The following GNL3L variants were observed in gnomAD, a reference collection of about 807,000 sequenced individuals.
GNL3L encodes the protein G protein nucleolar 3 like.
In GNL3L, 4 loss-of-function variants were observed where a neutral mutation model predicts 42.9. The ratio of observed to expected loss-of-function variants is 0.09; its 90% CI spans 0.05 to 0.21. The LOEUF is 0.21. Among genes scored for constraint, GNL3L ranks in the 10% least tolerant of loss-of-function variants. The pLI is 1.00. For synonymous variants in GNL3L, 159 were observed against 176.3 expected (o/e 0.90, Z 0.78); for missense variants, 412 against 481.7 (o/e 0.86, Z 1.36).
At chrX:54,558,020 A>G (rs1925149068) in intron 14 of GNL3L, among the ~76,000 whole-genome samples, 1 of 110,670 alleles carries the variant, frequency 9.0e-6, no homozygotes, top group Admixed American at 9.6e-5. Context: ...AGTAGCTAGG[A>G]CTACAGGCGT....
intron 16 of GNL3L, among the ~76,000 whole-genome samples, chrX:54,598,734 A>G (rs1332776041): frequency 6.2e-5 from 7 of 112,046 alleles, no homozygotes; most frequent in Non-Finnish European, 1.3e-4. Flanking sequence ...TCTAACAGAA[A>G]TAGATAGGCT....
At chrX:54,591,987 T>C (rs1320816035) in intron 16 of GNL3L, among the ~76,000 whole-genome samples, 2 of 112,120 alleles carry the variant, frequency 1.8e-5, no homozygotes, top group Non-Finnish European at 3.8e-5. Flanking sequence ...CTCTTCAATT[T>C]CTTTTAACAG....
chrX:54,577,092 T>C (rs1351962000), intron 16 of GNL3L, among the ~76,000 whole-genome samples: 3 of 112,074 alleles, frequency 2.7e-5, no homozygotes, highest in Non-Finnish European at 5.6e-5. Context: ...GTAAACACCG[T>C]TTTGCTTTCT....
At chrX:54,594,016 A>G (rs1029225145) in intron 16 of GNL3L, among the ~76,000 whole-genome samples, 3 of 112,034 alleles carry the variant, frequency 2.7e-5, no homozygotes, top group African/African-American at 9.7e-5. Context: ...TTTTGACCTA[A>G]CATAACATAT....
At chrX:54,534,115 A>C (rs960587423) in intron 2 of GNL3L, among the ~76,000 whole-genome samples, 1 of 91,340 alleles carries the variant, frequency 1.1e-5, no homozygotes, top group Admixed American at 1.1e-4. Context: ...TGCTGAGCTC[A>C]AACAATCCTC....
chrX:54,601,056 A>G (rs1458931678), intron 16 of GNL3L, among the ~76,000 whole-genome samples: 1 of 112,258 alleles, frequency 8.9e-6, no homozygotes, highest in Non-Finnish European at 1.9e-5. Flanking sequence ...CAACATGGAT[A>G]AACCTTGATA....
chrX:54,572,757 C>T (rs1309394126), intron 16 of GNL3L, among the ~76,000 whole-genome samples: 2 of 109,842 alleles, frequency 1.8e-5, no homozygotes, highest in Non-Finnish European at 3.8e-5. Context: ...GACGGGGTGG[C>T]TGCCGGGCGG....
rs1925387356 is a variant in GNL3L, at chrX:54,565,039, A to G, written c.*4437A>G. 9.0e-6 allele frequency among the ~76,000 whole-genome samples: 1 copy of G among 110,714 alleles called. No homozygotes were observed. Among genetic ancestry groups the G allele is most frequent in the South Asian group, 3.8e-4 (1 of 2,629 alleles). ...CATGAACCACCGTGTCCGGCCATATATTTTCGTCTTTTGAAGACTGTTATA... is the reference window on the plus strand; with the variant it reads ...CATGAACCACCGTGTCCGGCCATATGTTTTCGTCTTTTGAAGACTGTTATA... On this transcript the variant is annotated 3_prime_UTR_variant, in exon 16 of 16. Coordinates refer to ENST00000360845, the MANE Select transcript of GNL3L (RefSeq NM_001184819.2).
At position 54,563,643 on chromosome X, in the gene GNL3L, GGGCAT is replaced by G. The variant is rs1177857776; in HGVS notation, c.*3044_*3048del. 9.2e-6 allele frequency among the ~76,000 whole-genome samples: 1 copy of G among 108,949 alleles called. No homozygotes were observed. Among genetic ancestry groups the G allele is most frequent in the African/African-American group, 3.5e-5 (1 of 28,957 alleles). 94.6% of individuals were successfully genotyped at this position (108,949 alleles called of 115,157 possible). A position where few individuals can be genotyped will look rare whatever the true frequency, so the allele number is the denominator to read the frequency against. On this transcript the variant is annotated 3_prime_UTR_variant, in exon 16 of 16. Transcript: ENST00000360845. ...TACCAAAAAAATACAAAGATTAGCT[GGGCAT>G]GGTGTCTCATGCCTGTAGTCCCAGC...
chrX:54,610,007 G>A, intron 16 of GNL3L, among the ~76,000 whole-genome samples: 1 of 112,076 alleles, frequency 8.9e-6, no homozygotes, highest in Non-Finnish European at 1.9e-5. Context: ...ATTTGTTTGT[G>A]TCATCTGTGA....
the GNL3L span, among the ~76,000 whole-genome samples, chrX:54,630,706 CTTTTT>C: frequency 4.1e-3 from 124 of 30,516 alleles, 1 homozygote; most frequent in African/African-American, 0.027. Flanking sequence ...TCCTTTCTTT[CTTTTT>C]CTTTCTTTCT....
chrX:54,607,151 C>A lies in GNL3L; in HGVS notation c.*46-13694C>A, dbSNP rs779798940. Among the ~76,000 whole-genome samples, 4 of 81,776 alleles carry A rather than the reference C, an allele frequency of 4.9e-5. No individual in the cohort carries two copies. The South Asian group carries it at 2.5e-3, about 52-fold the overall frequency. 71.0% of individuals were successfully genotyped at this position (81,776 alleles called of 115,157 possible). A position where few individuals can be genotyped will look rare whatever the true frequency, so the allele number is the denominator to read the frequency against. ...TTTCTTTCTTTCTTTGTCTCTCTCT[C>A]TCTCTCTTTCTTTCTTTTTGTATAT... On this transcript the variant is annotated intron_variant, in intron 16 of 16. Coordinates refer to the GNL3L transcript ENST00000674498.
the GNL3L span, among the ~76,000 whole-genome samples, chrX:54,628,243 G>A: frequency 9.7e-6 from 1 of 102,789 alleles, no homozygotes; most frequent in Non-Finnish European, 1.9e-5. Context: ...GTGTGTGTGT[G>A]TGTGTGTGTA....
chrX:54,591,291 G>C (rs1925868526), intron 16 of GNL3L, among the ~76,000 whole-genome samples: 1 of 110,725 alleles, frequency 9.0e-6, no homozygotes, highest in Non-Finnish European at 1.9e-5. Context: ...TGGCACCTTT[G>C]TAAAAAATGA....
the GNL3L span, among the ~76,000 whole-genome samples, chrX:54,633,418 G>C: frequency 9.0e-6 from 1 of 111,471 alleles, no homozygotes; most frequent in Non-Finnish European, 1.9e-5. Flanking sequence ...AGGTCACCTG[G>C]ATAAGTATTC....
At chrX:54,607,084 T>TC (rs1926099799) in intron 16 of GNL3L, among the ~76,000 whole-genome samples, 1 of 49,175 alleles carries the variant, frequency 2.0e-5, no homozygotes, top group Non-Finnish European at 3.5e-5. Flanking sequence ...CTTTCTTTCT[T>TC]CTTTCTTTCT....
In GNL3L at chrX:54,538,268, T is replaced by C. The variant is rs559637664; in HGVS notation, c.20-772T>C. Among the ~76,000 whole-genome samples, 6 of 111,285 alleles carry C rather than the reference T, an allele frequency of 5.4e-5. No individual in the cohort carries two copies. In the South Asian group the frequency reaches 1.9e-3, roughly 35 times the overall value. On this transcript the variant is annotated intron_variant, in intron 2 of 15. Coordinates refer to ENST00000360845, the MANE Select transcript of GNL3L (RefSeq NM_001184819.2). ...TGCAGTGGGAGCCAACTGATGTGATTGTGGAGCCTGTTCTCTGTGTGGTAT... is the reference window on the plus strand; with the variant it reads ...TGCAGTGGGAGCCAACTGATGTGATCGTGGAGCCTGTTCTCTGTGTGGTAT...
downstream of GNL3L, among the ~76,000 whole-genome samples, chrX:54,571,399 G>A (rs1925541130): frequency 1.9e-5 from 2 of 107,403 alleles, no homozygotes; most frequent in South Asian, 8.1e-4. Flanking sequence ...GTTTTACCGT[G>A]TTAGCCAGGA....
intron 2 of GNL3L, among the ~76,000 whole-genome samples, chrX:54,538,522 G>T (rs753180216): frequency 1.2e-3 from 139 of 111,479 alleles, no homozygotes; most frequent in Non-Finnish European, 2.3e-3. Context: ...AGAAGTGGTA[G>T]ATCTCTTCTT....
Sources: allele counts gnomAD v4.1 joint callset (sites outside exome capture counted in the v4.1 genomes callset), GRCh38; gene constraint gnomAD v4.1.1; transcripts MANE v1.5; gene names NCBI Gene and HGNC (gene_info 2026-07-23, HGNC 2026-07-21).